CUX1: variants seen among roughly 807,000 people sequenced by gnomAD.
CUX1 encodes the protein cut like homeobox 1.
Under a neutral mutation model 158.8 loss-of-function variants are expected in CUX1, and 31 were observed. That is an observed-to-expected ratio of 0.20 (90% CI 0.15 to 0.26). CUX1 has a LOEUF of 0.26. Among genes scored for constraint, CUX1 ranks in the 10% least tolerant of loss-of-function variants. The probability of loss-of-function intolerance (pLI) is 1.00; values close to 1 mark genes in which losing one functional copy is unlikely to be tolerated. For missense variants in CUX1, 1,589 were observed against 2,014.6 expected (o/e 0.79, Z 4.04); for synonymous variants, 879 against 862.1 (o/e 1.02, Z -0.34).
At chr7:102,281,782 G>A in intron 20 of CUX1, 1 of 1,168,954 alleles carries the variant, frequency 8.6e-7, no homozygotes. Context: ...AGCCCAGGCA[G>A]CCCTGCAGGG....
At chr7:102,011,724 C>T (rs1157064046) in intron 2 of CUX1, among the ~76,000 whole-genome samples, 4 of 152,116 alleles carry the variant, frequency 2.6e-5, no homozygotes, top group Admixed American at 1.3e-4. Context: ...GAGAACTACC[C>T]GGTGGAGTCG....
intron 1 of CUX1, among the ~76,000 whole-genome samples, chr7:101,858,711 G>A (rs544186625): frequency 4.0e-5 from 6 of 148,314 alleles, no homozygotes; most frequent in South Asian, 4.3e-4. Flanking sequence ...TGTGGCCCAG[G>A]CTGGAGTGCA....
chr7:102,132,134 A>T (rs1833312377), intron 8 of CUX1, among the ~76,000 whole-genome samples: 1 of 141,120 alleles, frequency 7.1e-6, no homozygotes. Context: ...CTTTGTGGAG[A>T]TGGATGGGCG....
At chr7:102,037,223 T>G (rs1372987865) in intron 3 of CUX1, among the ~76,000 whole-genome samples, 2 of 152,124 alleles carry the variant, frequency 1.3e-5, no homozygotes, top group Non-Finnish European at 1.5e-5. Flanking sequence ...TTAACTAGAG[T>G]TGGAGCCCTA....
intron 8 of CUX1, among the ~76,000 whole-genome samples, chr7:102,123,376 G>A (rs1554494087): frequency 2.6e-5 from 4 of 152,110 alleles, no homozygotes; most frequent in South Asian, 4.1e-4. Flanking sequence ...TTGGGAGGCC[G>A]AGGCGGGCGA....
intron 3 of CUX1, among the ~76,000 whole-genome samples, chr7:102,061,330 T>C (rs1448515088): frequency 6.6e-6 from 1 of 152,150 alleles, no homozygotes; most frequent in African/African-American, 2.4e-5. Flanking sequence ...ACACACTCTT[T>C]CCATTGACCA....
chr7:102,042,641 G>T (rs1822251112), intron 3 of CUX1, among the ~76,000 whole-genome samples: 1 of 151,728 alleles, frequency 6.6e-6, no homozygotes, highest in Non-Finnish European at 1.5e-5. Context: ...CATCCTTTAG[G>T]GCTGAACCGA....
At chr7:102,013,703 A>C (rs1818291294) in intron 2 of CUX1, among the ~76,000 whole-genome samples, 1 of 151,998 alleles carries the variant, frequency 6.6e-6, no homozygotes, top group Non-Finnish European at 1.5e-5. Flanking sequence ...AACGCTTCTC[A>C]TTTCATTTTG....
At chr7:101,831,344 G>A (rs1381334529) in intron 1 of CUX1, among the ~76,000 whole-genome samples, 1 of 151,382 alleles carries the variant, frequency 6.6e-6, no homozygotes, top group East Asian at 1.9e-4. Flanking sequence ...AGGCTAAAGT[G>A]CAGTGGTGCA....
intron 12 of CUX1, among the ~76,000 whole-genome samples, chr7:102,191,898 T>C (rs1206039696): frequency 1.3e-5 from 2 of 151,848 alleles, no homozygotes; most frequent in African/African-American, 4.8e-5. Flanking sequence ...CTACTCCCTC[T>C]CATCCACAGC....
intron 1 of CUX1, among the ~76,000 whole-genome samples, chr7:101,834,954 C>A (rs1200993726): frequency 6.6e-6 from 1 of 151,962 alleles, no homozygotes; most frequent in African/African-American, 2.4e-5. Context: ...CAAGATCTCG[C>A]CACTGCACTC....
At chr7:101,999,986 G>A (rs955288781) in intron 2 of CUX1, among the ~76,000 whole-genome samples, 10 of 152,172 alleles carry the variant, frequency 6.6e-5, no homozygotes, top group Admixed American at 4.6e-4. Context: ...GGACGCCAAG[G>A]CAGGAGGATC....
chr7:102,063,585 G>C (rs958378143), intron 3 of CUX1, among the ~76,000 whole-genome samples: 2 of 151,818 alleles, frequency 1.3e-5, no homozygotes, highest in African/African-American at 4.8e-5. Flanking sequence ...GAGAGACGAG[G>C]TTTCACCATG....
chr7:102,022,136 T>C (rs1187908800), intron 2 of CUX1, among the ~76,000 whole-genome samples: 1 of 152,136 alleles, frequency 6.6e-6, no homozygotes, highest in African/African-American at 2.4e-5. Flanking sequence ...CGGGAGTGTG[T>C]GTGTTACGAC....
rs192488139 is a variant in CUX1 at position 101,836,107 on chromosome 7, A to G, written c.30+18438A>G. ...GTTGTGCTGTCAAATACTAGGCCTTATTCATTGATTCTATTTTTTTGTAGC... is the reference window on the plus strand; with the variant it reads ...GTTGTGCTGTCAAATACTAGGCCTTGTTCATTGATTCTATTTTTTTGTAGC... On this transcript the variant is annotated intron_variant, in intron 1 of 23. Coordinates refer to ENST00000292535, the MANE Select transcript of CUX1 (RefSeq NM_181552.4). 1.2e-3 allele frequency among the ~76,000 whole-genome samples: 176 copies of G among 152,268 alleles called. 1 individual carries two copies. Among genetic ancestry groups the G allele is most frequent in the Admixed American group, 7.3e-3 (111 of 15,308 alleles).
At chr7:102,245,372 C>T (rs921916384) in intron 23 of CUX1, among the ~76,000 whole-genome samples, 6 of 152,122 alleles carry the variant, frequency 3.9e-5, no homozygotes, top group African/African-American at 1.4e-4. Flanking sequence ...GATATATCAT[C>T]TTATTAGTCC....
In CUX1 at chr7:102,255,042, C is replaced by A. The variant is rs540406486; in HGVS notation, c.*6000C>A. 6 of 985,502 alleles carry A rather than the reference C, an allele frequency of 6.1e-6. No homozygotes were observed. The African/African-American group carries it at 8.7e-5, about 14-fold the overall frequency. The allele number at this position is 985,502 out of a possible 1,614,324, so 61.0% of individuals were successfully genotyped here. On this transcript the variant is annotated 3_prime_UTR_variant, in exon 24 of 24. Coordinates refer to ENST00000292535, the MANE Select transcript of CUX1 (RefSeq NM_181552.4). The stretch of plus-strand genomic sequence containing the variant: ...ACGGAAGAGGAGGGGGTGTGGGGGG[C>A]AGAGCGTAAAACAAGCCCCAGCCCT...
chr7:101,941,975 G>C (rs886159112), intron 2 of CUX1, among the ~76,000 whole-genome samples: 1 of 152,124 alleles, frequency 6.6e-6, no homozygotes, highest in Non-Finnish European at 1.5e-5. Context: ...CTTTCAGCTG[G>C]AGGTGAAACT....
intron 3 of CUX1, among the ~76,000 whole-genome samples, chr7:102,066,960 G>A (rs938087456): frequency 2.6e-5 from 4 of 152,166 alleles, no homozygotes; most frequent in East Asian, 1.9e-4. Flanking sequence ...ACACACACGC[G>A]TTTTAAGCAG....
Sources: allele counts gnomAD v4.1 joint callset (sites outside exome capture counted in the v4.1 genomes callset), GRCh38; gene constraint gnomAD v4.1.1; transcripts MANE v1.5; gene names NCBI Gene and HGNC (gene_info 2026-07-23, HGNC 2026-07-21).